PRKCB: variants seen among roughly 807,000 people sequenced by gnomAD.
PRKCB encodes the protein protein kinase C beta.
A neutral mutation model predicts 81.5 loss-of-function variants in PRKCB; 13 were observed. The ratio of observed to expected loss-of-function variants is 0.16; its 90% confidence interval spans 0.10 to 0.25. PRKCB has a LOEUF of 0.25. Among genes scored for constraint, PRKCB ranks in the 10% least tolerant of loss-of-function variants. PRKCB has a pLI of 1.00. For synonymous variants in PRKCB, 335 were observed against 321.4 expected (o/e 1.04, Z -0.45); for missense variants, 509 against 875.7 (o/e 0.58, Z 5.29).
In PRKCB at chr16:24,216,894, G is replaced by A; in HGVS notation, c.*2078G>A. The stretch of plus-strand genomic sequence containing the variant: ...GGGTGTCCTGTCCAGAAAGTGCAGG[G>A]TGCTTTCTGCTCTGTAGCAAGGCAG... On this transcript the variant is annotated 3_prime_UTR_variant, in exon 17 of 17. Coordinates refer to ENST00000643927, the MANE Select transcript of PRKCB (RefSeq NM_002738.7). 1 of 985,444 alleles carries A rather than the reference G, an allele frequency of 1.0e-6. No individual in the cohort carries two copies. The highest frequency in any genetic ancestry group is 1.2e-6 in the Non-Finnish European group (1 of 829,948). The allele number at this position is 985,444 out of a possible 1,614,324, so 61.0% of individuals were successfully genotyped here. A position where few individuals can be genotyped will look rare whatever the true frequency, so the allele number is the denominator to read the frequency against.
chr16:24,103,491 T>C lies in PRKCB; in HGVS notation c.821+9194T>C, dbSNP rs536305225. 2.0e-4 allele frequency among the ~76,000 whole-genome samples: 30 copies of C among 152,352 alleles called. No homozygotes were observed. The East Asian group carries it at 5.6e-3, about 28-fold the overall frequency. ...CAATGTTGTTAAAAGTTCTGTGGAC[T>C]TGCAAGAAAAAGATTATATTAGCTA... is the stretch of plus-strand genomic sequence containing the variant. On this transcript the variant is annotated intron_variant, in intron 7 of 16. Coordinates refer to ENST00000643927, the MANE Select transcript of PRKCB (RefSeq NM_002738.7).
intron 3 of PRKCB, among the ~76,000 whole-genome samples, chr16:24,011,190 T>A (rs1316111247): frequency 1.3e-5 from 2 of 152,042 alleles, no homozygotes; most frequent in Non-Finnish European, 2.9e-5. Flanking sequence ...TTTTTTAAAT[T>A]GGAGGTAGGG....
chr16:23,861,462 T>C (rs866916109), intron 2 of PRKCB, among the ~76,000 whole-genome samples: 15 of 152,188 alleles, frequency 9.9e-5, no homozygotes, highest in Admixed American at 2.6e-4. Flanking sequence ...CCACCATGCC[T>C]GACCTGCTTT....
rs1040446853 is a variant in PRKCB at position 23,867,998 on chromosome 16, G to T, written c.205+30592G>T. On this transcript the variant is annotated intron_variant, in intron 2 of 16. Coordinates refer to ENST00000643927, the MANE Select transcript of PRKCB (RefSeq NM_002738.7). ...CATCCATCACACATAAAACAGGGGA[G>T]ATCTGGCTCCAAAGAATGGTAGATG... 3.0e-4 allele frequency among the ~76,000 whole-genome samples: 44 copies of T among 148,618 alleles called. 1 individual carries two copies. The highest frequency in any genetic ancestry group is 2.0e-4 in the Admixed American group (3 of 14,790).
intron 2 of PRKCB, among the ~76,000 whole-genome samples, chr16:23,901,182 C>T (rs936242358): frequency 1.6e-4 from 24 of 152,118 alleles, no homozygotes; most frequent in African/African-American, 5.6e-4. Context: ...GCTCTGAGCA[C>T]GTGAGCGTTT....
In PRKCB at chr16:23,992,979, C is replaced by T. The variant is rs543618626; in HGVS notation, c.288+4389C>T. On this transcript the variant is annotated intron_variant, in intron 3 of 16. Coordinates refer to ENST00000643927, the MANE Select transcript of PRKCB (RefSeq NM_002738.7). ...CTCAGGGTGGCATTGGCCTTTCCAT[C>T]TTGTCTAAGGGAACTAACCCTGCAT... Among the ~76,000 whole-genome samples the T allele has an allele frequency of 7.3e-4, 111 of 152,160 alleles. 1 individual carries two copies. In the Middle Eastern group the frequency reaches 0.017, roughly 23 times the overall value.
chr16:24,124,029 C>G (rs781201941), intron 9 of PRKCB, 48 bp downstream of exon 9: 2 of 1,607,446 alleles, frequency 1.2e-6, no homozygotes, highest in African/African-American at 2.7e-5. Context: ...GAACATCTAA[C>G]AACACAGGCA....
chr16:24,006,857 G>A (rs4491507), intron 3 of PRKCB, among the ~76,000 whole-genome samples: 13,580 of 152,056 alleles, frequency 0.089, 1,165 homozygotes, highest in African/African-American at 0.23. Context: ...GGGGGAAGAA[G>A]GCACAGATGT....
chr16:23,875,822 T>C (rs1413652482), intron 2 of PRKCB, among the ~76,000 whole-genome samples: 1 of 151,674 alleles, frequency 6.6e-6, no homozygotes, highest in Non-Finnish European at 1.5e-5. Context: ...TATATATATA[T>C]GCATGACCCA....
chr16:23,916,342 C>T (rs1301193462), intron 2 of PRKCB, among the ~76,000 whole-genome samples: 2 of 151,198 alleles, frequency 1.3e-5, no homozygotes, highest in African/African-American at 4.9e-5. Context: ...GGATTACAGG[C>T]TTGAGCACCA....
chr16:23,999,287 C>G (rs1026039996), intron 3 of PRKCB, among the ~76,000 whole-genome samples: 1 of 152,218 alleles, frequency 6.6e-6, no homozygotes, highest in African/African-American at 2.4e-5. Flanking sequence ...TTGGACAAGG[C>G]TCCATCCACG....
intron 3 of PRKCB, among the ~76,000 whole-genome samples, chr16:24,026,566 G>A (rs1965482637): frequency 6.6e-6 from 1 of 152,188 alleles, no homozygotes; most frequent in South Asian, 2.1e-4. Context: ...AGGCCTTGAG[G>A]AACTCCTTTC....
intron 9 of PRKCB, among the ~76,000 whole-genome samples, chr16:24,131,501 A>G (rs1966853311): frequency 6.6e-6 from 1 of 152,270 alleles, no homozygotes; most frequent in South Asian, 2.1e-4. Context: ...AGACCGTACA[A>G]CAGAGTTGAC....
Position 24,219,709 on chromosome 16 carries a change from T to A in PRKCB, c.*4893T>A. On this transcript the variant is annotated 3_prime_UTR_variant, in exon 17 of 17. Transcript: ENST00000643927. Reference sequence around the variant, plus strand: ...ACACACACACACACACACACCACTTTATGGCAATTCTTAACTGACATTCAA... The same window carrying A: ...ACACACACACACACACACACCACTTAATGGCAATTCTTAACTGACATTCAA... 1.5e-6 allele frequency: 2 copies of A among 1,318,384 alleles called. No individual in the cohort carries two copies. Among genetic ancestry groups the A allele is most frequent in the Non-Finnish European group, 1.9e-6 (2 of 1,032,436 alleles). The allele number at this position is 1,318,384 out of a possible 1,614,324, so 81.7% of individuals were successfully genotyped here. A position where few individuals can be genotyped will look rare whatever the true frequency, so the allele number is the denominator to read the frequency against.
intron 2 of PRKCB, among the ~76,000 whole-genome samples, chr16:23,920,030 C>T (rs1190594315): frequency 6.6e-6 from 1 of 152,290 alleles, no homozygotes; most frequent in African/African-American, 2.4e-5. Context: ...AGTGGAATTG[C>T]TAGATTAAAT....
At chr16:24,178,242 C>T (rs1053098847) in intron 12 of PRKCB, among the ~76,000 whole-genome samples, 2 of 152,196 alleles carry the variant, frequency 1.3e-5, no homozygotes, top group African/African-American at 4.8e-5. Flanking sequence ...TGACCACTGT[C>T]TCTGGAATGT....
intron 9 of PRKCB, among the ~76,000 whole-genome samples, chr16:24,131,998 T>A (rs1346114583): frequency 6.6e-6 from 1 of 152,218 alleles, no homozygotes; most frequent in Non-Finnish European, 1.5e-5. Flanking sequence ...TTCCTTCAAA[T>A]AAGGAATATG....
chr16:24,124,061 G>A (rs934703106), intron 9 of PRKCB, 80 bp downstream of exon 9: 7 of 1,514,026 alleles, frequency 4.6e-6, no homozygotes, highest in Non-Finnish European at 5.5e-6. Flanking sequence ...CCTATGGGAC[G>A]GACGTCCTAG....
At chr16:24,151,758 C>T (rs573731737) in intron 9 of PRKCB, 5 of 454,824 alleles carry the variant, frequency 1.1e-5, no homozygotes, top group Non-Finnish European at 2.2e-5. Context: ...GGGCTTTCAG[C>T]ATTCAAGTGG....
Sources: gnomAD v4.1 joint callset for allele counts (sites outside exome capture counted in the v4.1 genomes callset) on GRCh38, gnomAD v4.1.1 for gene constraint, MANE v1.5 for transcripts, NCBI Gene and HGNC (gene_info 2026-07-23, HGNC 2026-07-21) for gene names.